The following RPS6KA5 variants were observed in gnomAD, a reference collection of about 807,000 sequenced individuals.
RPS6KA5 encodes the protein ribosomal protein S6 kinase A5.
RPS6KA5 carries 27 observed loss-of-function variants against 85.5 expected under a neutral mutation model. That is an observed-to-expected ratio of 0.32 (90% CI 0.23 to 0.44). The LOEUF is 0.44. RPS6KA5 is among the 20% of genes least tolerant of loss of function. The pLI is 1.00. For synonymous variants in RPS6KA5, 334 were observed against 348.2 expected, an observed-to-expected ratio of 0.96 and a Z score of 0.46; for missense variants, 811 against 980.9, an observed-to-expected ratio of 0.83 and a Z score of 2.31.
intron 5 of RPS6KA5, among the ~76,000 whole-genome samples, chr14:90,927,185 A>G (rs926217916): frequency 1.3e-5 from 2 of 152,264 alleles, no homozygotes; most frequent in Admixed American, 6.5e-5. Context: ...AAAATAGATA[A>G]GTAAATAAAA....
intron 1 of RPS6KA5, among the ~76,000 whole-genome samples, chr14:91,026,283 T>C (rs562692596): frequency 6.6e-6 from 1 of 152,268 alleles, no homozygotes; most frequent in Admixed American, 6.5e-5. Flanking sequence ...CAGGTTGGAG[T>C]GCAGTGGCAT....
intron 3 of RPS6KA5, among the ~76,000 whole-genome samples, chr14:90,975,514 C>T (rs774932790): frequency 6.6e-6 from 1 of 152,102 alleles, no homozygotes; most frequent in Non-Finnish European, 1.5e-5. Context: ...GGCACACATG[C>T]GTAGGGGGAC....
rs2033098887 is a variant in RPS6KA5 at position 90,871,371 on chromosome 14, T to A, written c.*703A>T. On this transcript the variant is annotated 3_prime_UTR_variant, in exon 17 of 17. Transcript: ENST00000614987. ...AGACATGTACCTTAATATTCTGCAA[T>A]AACCATTAAAACAAATTGCCAGGAA... 1 of 152,516 alleles carries A rather than the reference T, an allele frequency of 6.6e-6. No homozygotes were observed. The highest frequency in any genetic ancestry group is 2.4e-5 in the African/African-American group (1 of 41,426). 9.4% of individuals were successfully genotyped at this position (152,516 alleles called of 1,614,324 possible). A position where few individuals can be genotyped will look rare whatever the true frequency, so the allele number is the denominator to read the frequency against.
rs569562871 is a variant in RPS6KA5, at chr14:90,874,926, G to C, written c.1996+275C>G. 5.3e-5 allele frequency among the ~76,000 whole-genome samples: 8 copies of C among 152,120 alleles called. No homozygotes were observed. In the South Asian group the frequency reaches 6.2e-4, roughly 12 times the overall value. Reference sequence around the variant, plus strand: ...GAAAGACAGGAGGAGGAGCGTGTTTGGGGGGAAGGACAGTCAAAAAGTATT... The same window carrying C: ...GAAAGACAGGAGGAGGAGCGTGTTTCGGGGGAAGGACAGTCAAAAAGTATT... On this transcript the variant is annotated intron_variant, in intron 15 of 16. Transcript: ENST00000614987.
At position 91,025,198 on chromosome 14, in the gene RPS6KA5, C is replaced by T. The variant is rs149627070; in HGVS notation, c.104-24039G>A. 1.8e-3 allele frequency among the ~76,000 whole-genome samples: 277 copies of T among 152,308 alleles called. 1 individual carries two copies. Among genetic ancestry groups the T allele is most frequent in the African/African-American group, 6.4e-3 (265 of 41,564 alleles). On this transcript the variant is annotated intron_variant, in intron 1 of 16. Transcript: ENST00000614987. ...TAGCTGGGACTACAGGCGCCTGCCA[C>T]CATGCTCGGCTAATTTTTGTATTTT...
At chr14:90,991,718 A>AAG (rs1255718778) in intron 2 of RPS6KA5, among the ~76,000 whole-genome samples, 3 of 151,074 alleles carry the variant, frequency 2.0e-5, no homozygotes, top group East Asian at 1.9e-4. Flanking sequence ...AAAAAAAAAA[A>AAG]AAGAAGAGAG....
intron 12 of RPS6KA5, among the ~76,000 whole-genome samples, chr14:90,895,135 G>A (rs939673888): frequency 2.6e-5 from 4 of 151,310 alleles, no homozygotes; most frequent in Admixed American, 1.3e-4. Context: ...AACTGAGTAG[G>A]ATGGGTGTGC....
rs760474693 is a variant in RPS6KA5, at chr14:90,872,120, C to T, written c.2363G>A (p.Ser788Asn). ...CTGGAAGAGGGTCTCCGGGTTATTG[C>T]TGTCGGCAGGATTGCTGGGCTGCAG... The part of the protein sequence containing the change: ...KTLQPSNPAD[S>N]NNPETLFQFS... Residue 788 changes from serine to asparagine, a missense_variant, in exon 17 of 17, where the codon AGC becomes AAC. Ser to Asn is a conservative substitution (Grantham distance 46). Coordinates refer to ENST00000614987, the MANE Select transcript of RPS6KA5 (RefSeq NM_004755.4). The T allele has an allele frequency of 6.2e-7, 1 of 1,613,654 alleles. No homozygotes were observed. The highest frequency in any genetic ancestry group is 8.5e-7 in the Non-Finnish European group (1 of 1,179,872).
At chr14:90,901,182 G>C (rs2035149492) in intron 9 of RPS6KA5, among the ~76,000 whole-genome samples, 1 of 152,064 alleles carries the variant, frequency 6.6e-6, no homozygotes, top group Non-Finnish European at 1.5e-5. Context: ...TTGGCTCACT[G>C]CAACTTCTGC....
chr14:90,923,977 C>T (rs1175615703), intron 5 of RPS6KA5, among the ~76,000 whole-genome samples: 1 of 152,038 alleles, frequency 6.6e-6, no homozygotes, highest in East Asian at 1.9e-4. Flanking sequence ...AAGTTAAGTG[C>T]TTAAAAGATT....
intron 1 of RPS6KA5, among the ~76,000 whole-genome samples, chr14:91,058,216 T>C (rs1489244137): frequency 6.6e-6 from 1 of 152,198 alleles, no homozygotes; most frequent in Non-Finnish European, 1.5e-5. Flanking sequence ...CAGTGTTCAG[T>C]AATAAATCAA....
chr14:90,868,435 G>C lies in RPS6KA5; in HGVS notation c.*3639C>G, dbSNP rs1465496330. 1 of 152,228 alleles carries C rather than the reference G, an allele frequency of 6.6e-6. No homozygotes were observed. Among genetic ancestry groups the C allele is most frequent in the East Asian group, 1.9e-4 (1 of 5,192 alleles). The allele number at this position is 152,228 out of a possible 1,614,324, so 9.4% of individuals were successfully genotyped here. ...GAGGCCAAAAGTCATATAATTTTAAGATACTTCATGATGTTACAGTAATAA... is the reference window on the plus strand; with the variant it reads ...GAGGCCAAAAGTCATATAATTTTAACATACTTCATGATGTTACAGTAATAA... On this transcript the variant is annotated 3_prime_UTR_variant, in exon 17 of 17. Coordinates refer to ENST00000614987, the MANE Select transcript of RPS6KA5 (RefSeq NM_004755.4).
chr14:91,022,414 C>G (rs556855611), intron 1 of RPS6KA5, among the ~76,000 whole-genome samples: 41 of 152,274 alleles, frequency 2.7e-4, no homozygotes, highest in Non-Finnish European at 5.0e-4. Flanking sequence ...GTCTGCTACC[C>G]ATCACTAAAC....
chr14:90,909,410 C>T (rs755934184), intron 7 of RPS6KA5, among the ~76,000 whole-genome samples: 1 of 152,172 alleles, frequency 6.6e-6, no homozygotes, highest in Non-Finnish European at 1.5e-5. Context: ...TCAGAAAAAG[C>T]TCTGAGTTGA....
intron 1 of RPS6KA5, among the ~76,000 whole-genome samples, chr14:91,030,082 C>A (rs986488983): frequency 6.6e-6 from 1 of 152,146 alleles, no homozygotes; most frequent in Admixed American, 6.6e-5. Flanking sequence ...AGCTAAATCA[C>A]CCCCAGAGAA....
At chr14:90,993,419 G>A (rs1377414421) in intron 2 of RPS6KA5, among the ~76,000 whole-genome samples, 1 of 152,084 alleles carries the variant, frequency 6.6e-6, no homozygotes, top group African/African-American at 2.4e-5. Flanking sequence ...CAGCCTGGGT[G>A]ACAGAGCAAG....
chr14:90,905,836 G>C (rs1456276408), intron 8 of RPS6KA5, among the ~76,000 whole-genome samples: 1 of 152,064 alleles, frequency 6.6e-6, no homozygotes, highest in Non-Finnish European at 1.5e-5. Flanking sequence ...TAGATCTCAA[G>C]ATCATAAATG....
chr14:90,979,693 G>T (rs568138328), intron 2 of RPS6KA5, among the ~76,000 whole-genome samples: 1 of 152,236 alleles, frequency 6.6e-6, no homozygotes, highest in South Asian at 2.1e-4. Context: ...GAGAAGGAGC[G>T]CCAACATTTA....
chr14:91,053,776 GTTTAACT>G (rs2043194193), intron 1 of RPS6KA5, among the ~76,000 whole-genome samples: 2 of 152,308 alleles, frequency 1.3e-5, no homozygotes, highest in East Asian at 3.9e-4. Flanking sequence ...CACTGCCAAA[GTTTAACT>G]AAAAATTCAA....
Sources: gnomAD v4.1 joint callset for allele counts (sites outside exome capture counted in the v4.1 genomes callset) on GRCh38, gnomAD v4.1.1 for gene constraint, MANE v1.5 for transcripts, NCBI Gene and HGNC (gene_info 2026-07-23, HGNC 2026-07-21) for gene names.